FRMD5: variants seen among roughly 807,000 people sequenced by gnomAD.
FRMD5 encodes the protein FERM domain-containing protein 5.
Under a neutral mutation model 69.0 loss-of-function variants are expected in FRMD5, and 20 were observed. The ratio of observed to expected loss-of-function variants is 0.29; its 90% CI spans 0.20 to 0.42. FRMD5 has a LOEUF of 0.42. FRMD5 is among the 10% of genes least tolerant of loss of function. FRMD5 has a pLI of 1.00. For synonymous variants in FRMD5, 271 were observed against 260.1 expected, an observed-to-expected ratio of 1.04 and a Z score of -0.40; for missense variants, 595 against 708.6, an observed-to-expected ratio of 0.84 and a Z score of 1.82.
Position 44,195,106 on chromosome 15 carries a change from C to G in FRMD5, c.-52G>C, listed in dbSNP as rs1177107205. The G allele has an allele frequency of 2.8e-6, 4 of 1,424,790 alleles. No individual in the cohort carries two copies. The East Asian group carries it at 1.1e-4, about 38-fold the overall frequency. The allele number at this position is 1,424,790 out of a possible 1,614,324, so 88.3% of individuals were successfully genotyped here. The stretch of plus-strand genomic sequence containing the variant: ...CGCGGCGGCGCTGCGGACCCTGGAC[C>G]AGGCGTCCCTCAGCCCGGCAGCTCC... On this transcript the variant is annotated 5_prime_UTR_variant, in exon 1 of 14. Coordinates refer to ENST00000417257, the MANE Select transcript of FRMD5 (RefSeq NM_032892.5).
chr15:44,036,245 T>C (rs1483007210), intron 1 of FRMD5, among the ~76,000 whole-genome samples: 1 of 152,120 alleles, frequency 6.6e-6, no homozygotes, highest in Non-Finnish European at 1.5e-5. Flanking sequence ...CTGACCAAGG[T>C]TGAACTTCTC....
intron 1 of FRMD5, among the ~76,000 whole-genome samples, chr15:44,002,625 T>C (rs1419136710): frequency 6.6e-6 from 1 of 152,136 alleles, no homozygotes; most frequent in African/African-American, 2.4e-5. Context: ...GACTGGGGGC[T>C]GCATGCACTG....
intron 1 of FRMD5, among the ~76,000 whole-genome samples, chr15:44,154,595 A>C (rs1409008428): frequency 2.6e-5 from 4 of 152,216 alleles, no homozygotes; most frequent in South Asian, 2.1e-4. Flanking sequence ...CTTTTAATCA[A>C]GCTTTAGTGA....
At chr15:44,183,107 C>CA (rs997696784) in intron 1 of FRMD5, among the ~76,000 whole-genome samples, 9 of 152,040 alleles carry the variant, frequency 5.9e-5, no homozygotes, top group African/African-American at 1.9e-4. Flanking sequence ...AAAATACTCA[C>CA]ATTTCAATAT....
intron 1 of FRMD5, among the ~76,000 whole-genome samples, chr15:44,168,004 G>A: frequency 6.6e-6 from 1 of 151,540 alleles, no homozygotes; most frequent in Admixed American, 6.6e-5. Flanking sequence ...ACTAATATAA[G>A]TTAACACTAC....
chr15:44,136,305 T>C (rs2077184804), intron 1 of FRMD5, among the ~76,000 whole-genome samples: 1 of 152,186 alleles, frequency 6.6e-6, no homozygotes, highest in Non-Finnish European at 1.5e-5. Context: ...ATTACAGGCG[T>C]GAGCCACGGT....
intron 1 of FRMD5, among the ~76,000 whole-genome samples, chr15:44,072,164 C>T (rs1893569059): frequency 6.6e-6 from 1 of 152,222 alleles, no homozygotes; most frequent in South Asian, 2.1e-4. Flanking sequence ...CCCCACCCAG[C>T]CGAGTTCTTA....
At chr15:44,183,220 T>C (rs2140574489) in intron 1 of FRMD5, among the ~76,000 whole-genome samples, 1 of 151,834 alleles carries the variant, frequency 6.6e-6, no homozygotes, top group East Asian at 1.9e-4. Flanking sequence ...AAAAGGTGCA[T>C]ACAGAAGATG....
intron 1 of FRMD5, among the ~76,000 whole-genome samples, chr15:44,000,122 GCT>G (rs1890146327): frequency 6.6e-6 from 1 of 151,310 alleles, no homozygotes; most frequent in Admixed American, 6.6e-5. Context: ...TTCCCTAGTA[GCT>G]AGGACTATAG....
intron 1 of FRMD5, among the ~76,000 whole-genome samples, chr15:44,047,290 C>A (rs190150919): frequency 3.0e-4 from 46 of 151,524 alleles, no homozygotes; most frequent in African/African-American, 1.0e-3. Flanking sequence ...GCCTGGGCGA[C>A]AGAGCAAGAC....
At chr15:44,060,769 G>GA (rs1893057014) in intron 1 of FRMD5, among the ~76,000 whole-genome samples, 1 of 151,966 alleles carries the variant, frequency 6.6e-6, no homozygotes, top group Non-Finnish European at 1.5e-5. Context: ...AATGAAAAAG[G>GA]AAAAAAATCC....
chr15:44,197,691 A>G (rs1287211321), upstream of FRMD5, among the ~76,000 whole-genome samples: 6 of 151,624 alleles, frequency 4.0e-5, no homozygotes, highest in Non-Finnish European at 8.8e-5. Flanking sequence ...AAAAAAAAAA[A>G]AAAAAAAGAA....
At chr15:43,884,863 G>T in intron 11 of FRMD5, 68 bp from the exon 12 acceptor site, 1 of 1,318,440 alleles carries the variant, frequency 7.6e-7, no homozygotes, top group Non-Finnish European at 1.1e-6. Context: ...TCCTCTCCAA[G>T]ATCTTAGGTG....
At chr15:44,168,120 T>C (rs1016586116) in intron 1 of FRMD5, among the ~76,000 whole-genome samples, 1 of 152,192 alleles carries the variant, frequency 6.6e-6, no homozygotes, top group Admixed American at 6.5e-5. Flanking sequence ...ACTTAACTGT[T>C]AGGACAACCG....
At chr15:44,159,601 G>A (rs1405878750) in intron 1 of FRMD5, among the ~76,000 whole-genome samples, 1 of 152,146 alleles carries the variant, frequency 6.6e-6, no homozygotes, top group Non-Finnish European at 1.5e-5. Flanking sequence ...TTGTGCTTGA[G>A]CAATCAAGCA....
At chr15:44,007,597 T>G (rs894221305) in intron 1 of FRMD5, among the ~76,000 whole-genome samples, 6 of 151,720 alleles carry the variant, frequency 4.0e-5, no homozygotes, top group Non-Finnish European at 5.9e-5. Flanking sequence ...CTTTTAATTT[T>G]TTGAATTTTT....
At chr15:44,085,797 C>T (rs992439945) in intron 1 of FRMD5, among the ~76,000 whole-genome samples, 3 of 152,006 alleles carry the variant, frequency 2.0e-5, no homozygotes, top group African/African-American at 4.8e-5. Flanking sequence ...ATTTATTGAG[C>T]CCTATTATGC....
intron 1 of FRMD5, among the ~76,000 whole-genome samples, chr15:44,139,522 G>T (rs1160983240): frequency 6.6e-6 from 1 of 151,602 alleles, no homozygotes; most frequent in Non-Finnish European, 1.5e-5. Flanking sequence ...ATATCAGGAA[G>T]GTGCAAAAGA....
intron 1 of FRMD5, among the ~76,000 whole-genome samples, chr15:44,174,643 A>T (rs370341530): frequency 3.9e-5 from 6 of 152,342 alleles, no homozygotes; most frequent in African/African-American, 7.2e-5. Context: ...GAAAATTTTT[A>T]AAATATTTAT....
Sources: allele counts gnomAD v4.1 joint callset (sites outside exome capture counted in the v4.1 genomes callset), GRCh38; gene constraint gnomAD v4.1.1; transcripts MANE v1.5; gene names NCBI Gene and HGNC (gene_info 2026-07-23, HGNC 2026-07-21).